ZBTB20: variants seen among roughly 807,000 people sequenced by gnomAD.
ZBTB20 encodes the protein zinc finger and BTB domain-containing protein 20.
Under a neutral mutation model 56.9 loss-of-function variants are expected in ZBTB20, and 9 were observed. The observed-to-expected ratio is 0.16, with a 90% CI of 0.10 to 0.28. ZBTB20 has a LOEUF of 0.28. ZBTB20 is among the 10% of genes least tolerant of loss of function. The pLI is 1.00. For missense variants in ZBTB20, 655 were observed against 1,003.0 expected, an observed-to-expected ratio of 0.65 and a Z score of 4.69; for synonymous variants, 417 against 420.7, an observed-to-expected ratio of 0.99 and a Z score of 0.11.
At position 114,944,419 on chromosome 3, in the gene ZBTB20, T is replaced by C. The variant is rs1287089493; in HGVS notation, c.-456+29947A>G. ...GGTACAGCCATTATGAAAAACAATA[T>C]GAAGATTCTTCAAAAACTACAAATA... On this transcript the variant is annotated intron_variant, in intron 3 of 11. Transcript: ENST00000675478. Among the ~76,000 whole-genome samples the C allele has an allele frequency of 2.8e-5, 4 of 145,450 alleles. 1 individual carries two copies. Among genetic ancestry groups the C allele is most frequent in the African/African-American group, 5.6e-5 (2 of 35,720 alleles).
chr3:115,006,495 A>G (rs1018318853), intron 2 of ZBTB20, among the ~76,000 whole-genome samples: 5 of 151,344 alleles, frequency 3.3e-5, no homozygotes, highest in African/African-American at 1.2e-4. Context: ...ATTTGTCCTT[A>G]GTAAAGCTTG....
chr3:114,760,890 G>T (rs1007008200), intron 5 of ZBTB20, among the ~76,000 whole-genome samples: 1 of 152,096 alleles, frequency 6.6e-6, no homozygotes, highest in Non-Finnish European at 1.5e-5. Context: ...TAAAGGAAGG[G>T]GAAAAATCTG....
At chr3:115,009,722 G>A (rs2079620376) in intron 2 of ZBTB20, among the ~76,000 whole-genome samples, 1 of 151,890 alleles carries the variant, frequency 6.6e-6, no homozygotes, top group Non-Finnish European at 1.5e-5. Flanking sequence ...CACAGCAGTA[G>A]CTTTGTTATA....
chr3:115,092,430 G>A (rs996713420), intron 1 of ZBTB20, among the ~76,000 whole-genome samples: 5 of 152,064 alleles, frequency 3.3e-5, no homozygotes, highest in Non-Finnish European at 5.9e-5. Flanking sequence ...AATACTGGCC[G>A]ACTGGGTCTA....
intron 7 of ZBTB20, among the ~76,000 whole-genome samples, chr3:114,489,250 G>T (rs1043871817): frequency 6.6e-6 from 1 of 152,108 alleles, no homozygotes; most frequent in African/African-American, 2.4e-5. Flanking sequence ...ATTCCAATAT[G>T]ATCTTCAGTC....
chr3:115,118,547 A>T (rs1044880379), intron 1 of ZBTB20, among the ~76,000 whole-genome samples: 3 of 150,526 alleles, frequency 2.0e-5, no homozygotes, highest in Non-Finnish European at 3.0e-5. Flanking sequence ...CCCCTATTTT[A>T]AAAAAAAAGT....
chr3:115,017,722 C>A (rs1481831559), intron 2 of ZBTB20, among the ~76,000 whole-genome samples: 5 of 151,304 alleles, frequency 3.3e-5, no homozygotes, highest in African/African-American at 1.2e-4. Context: ...ACTATAGTTT[C>A]TTTATCAAAT....
At chr3:114,828,101 G>T (rs1364934296) in intron 4 of ZBTB20, among the ~76,000 whole-genome samples, 2 of 151,458 alleles carry the variant, frequency 1.3e-5, no homozygotes, top group African/African-American at 4.8e-5. Context: ...CTTATAATAG[G>T]TTCATAATTT....
At chr3:114,486,138 G>GTGTC (rs1553726951) in intron 7 of ZBTB20, among the ~76,000 whole-genome samples, 1 of 25,250 alleles carries the variant, frequency 4.0e-5, no homozygotes, top group African/African-American at 1.1e-4. Context: ...GTGTGTGTGT[G>GTGTC]GGGGGGGGGG....
chr3:114,425,146 C>T (rs567128585), intron 7 of ZBTB20, among the ~76,000 whole-genome samples: 97 of 134,696 alleles, frequency 7.2e-4, no homozygotes, highest in African/African-American at 3.7e-3. Flanking sequence ...TTCAGCTGAC[C>T]ACCCTGTTTA....
intron 6 of ZBTB20, among the ~76,000 whole-genome samples, chr3:114,590,435 G>A (rs1275097152): frequency 6.7e-6 from 1 of 149,916 alleles, no homozygotes; most frequent in Non-Finnish European, 1.5e-5. Context: ...CTGCAGCCTG[G>A]GCGAAAGACT....
At chr3:114,964,051 CA>C (rs1560442967) in intron 3 of ZBTB20, among the ~76,000 whole-genome samples, 1 of 152,050 alleles carries the variant, frequency 6.6e-6, no homozygotes, top group Non-Finnish European at 1.5e-5. Flanking sequence ...GAGCTAAGCA[CA>C]AAAATGAACA....
chr3:114,416,923 A>G lies in ZBTB20; in HGVS notation c.-254-27818T>C, dbSNP rs145423520. Among the ~76,000 whole-genome samples, 620 of 152,200 alleles carry G rather than the reference A, an allele frequency of 4.1e-3. 19 individuals are homozygous for G. Among genetic ancestry groups the G allele is most frequent in the Admixed American group, 0.026 (401 of 15,260 alleles). ...TAGGAAAATGTACTAAAAAGGACAC[A>G]CCATTTTAATACCTTTGGTGATTCA... On this transcript the variant is annotated intron_variant, in intron 7 of 11. Transcript: ENST00000675478.
At chr3:114,520,954 C>A (rs1253016952) in intron 6 of ZBTB20, among the ~76,000 whole-genome samples, 2 of 152,106 alleles carry the variant, frequency 1.3e-5, no homozygotes, top group Non-Finnish European at 2.9e-5. Flanking sequence ...CAAATAATCA[C>A]CCGTGCATAT....
intron 2 of ZBTB20, among the ~76,000 whole-genome samples, chr3:114,990,543 C>T (rs1186106731): frequency 6.6e-6 from 1 of 152,094 alleles, no homozygotes; most frequent in East Asian, 1.9e-4. Flanking sequence ...ATGTTTTCAT[C>T]AGGGATATTG....
At chr3:115,140,108 A>T (rs1434405386) in intron 1 of ZBTB20, among the ~76,000 whole-genome samples, 1 of 152,062 alleles carries the variant, frequency 6.6e-6, no homozygotes, top group African/African-American at 2.4e-5. Flanking sequence ...AACTCAGATG[A>T]TTAGAACTGA....
chr3:115,088,811 G>A (rs1305318372), intron 1 of ZBTB20, among the ~76,000 whole-genome samples: 1 of 151,672 alleles, frequency 6.6e-6, no homozygotes, highest in African/African-American at 2.4e-5. Flanking sequence ...AAATTTAAAT[G>A]CAAACCAAAT....
chr3:114,418,583 A>AT (rs1238388872), intron 7 of ZBTB20, among the ~76,000 whole-genome samples: 5 of 91,066 alleles, frequency 5.5e-5, no homozygotes, highest in African/African-American at 1.2e-4. Context: ...TCTTGAGTAT[A>AT]TTAAAAAAAA....
At chr3:115,072,775 C>G (rs2082455755) in intron 1 of ZBTB20, among the ~76,000 whole-genome samples, 1 of 152,174 alleles carries the variant, frequency 6.6e-6, no homozygotes, top group Admixed American at 6.5e-5. Context: ...ACAGGATAAA[C>G]GTGAAAGGCT....
Sources: allele counts gnomAD v4.1 joint callset (sites outside exome capture counted in the v4.1 genomes callset), GRCh38; gene constraint gnomAD v4.1.1; transcripts MANE v1.5; gene names NCBI Gene and HGNC (gene_info 2026-07-23, HGNC 2026-07-21).